Variants in CPPED1 observed in about 807,000 individuals in gnomAD.
CPPED1 encodes the protein calcineurin like phosphoesterase domain containing 1, also known as serine/threonine-protein phosphatase CPPED1.
A neutral mutation model predicts 28.0 loss-of-function variants in CPPED1; 28 were observed. The observed-to-expected ratio is 1.00, with a 90% CI of 0.74 to 1.37. CPPED1 has a LOEUF of 1.37. CPPED1 is among the 40% of genes most tolerant of loss of function. CPPED1 has a pLI of 0.00. For missense variants in CPPED1, 504 were observed against 416.5 expected (o/e 1.21, Z -1.83); for synonymous variants, 198 against 180.2 (o/e 1.10, Z -0.79).
intron 3 of CPPED1, among the ~76,000 whole-genome samples, chr16:12,687,737 C>T (rs902796249): frequency 2.0e-5 from 3 of 152,064 alleles, no homozygotes; most frequent in African/African-American, 7.2e-5. Flanking sequence ...AAGAGAGGCA[C>T]CAGGTCACAA....
At chr16:12,671,243 A>C (rs935142185) in intron 3 of CPPED1, among the ~76,000 whole-genome samples, 1 of 152,234 alleles carries the variant, frequency 6.6e-6, no homozygotes, top group Non-Finnish European at 1.5e-5. Flanking sequence ...TTAATGAACC[A>C]ATATTGACAT....
rs369458969 is a variant in CPPED1 at position 12,740,431 on chromosome 16, C to G, written c.290-35382G>C. ...CTGCACACCAACCTGGGCAACAGAACGAGACTCTGCCTCAAAAAAAAAAAA... is the reference window on the plus strand; with the variant it reads ...CTGCACACCAACCTGGGCAACAGAAGGAGACTCTGCCTCAAAAAAAAAAAA... On this transcript the variant is annotated intron_variant, in intron 2 of 3. Transcript: ENST00000381774. Among the ~76,000 whole-genome samples the G allele has an allele frequency of 3.8e-4, 56 of 145,462 alleles. No individual in the cohort carries two copies. In the East Asian group the frequency reaches 8.6e-3, roughly 22 times the overall value.
chr16:12,705,980 GTC>G (rs1313317473), intron 2 of CPPED1, among the ~76,000 whole-genome samples: 1 of 152,094 alleles, frequency 6.6e-6, no homozygotes, highest in Non-Finnish European at 1.5e-5. Flanking sequence ...GGATTGATCT[GTC>G]TCTTTCTGTA....
intron 1 of CPPED1, among the ~76,000 whole-genome samples, chr16:12,802,843 C>A (rs760741210): frequency 2.0e-5 from 3 of 152,172 alleles, no homozygotes; most frequent in African/African-American, 4.8e-5. Context: ...TGTTGCAGAA[C>A]TGGGCAAGAG....
At chr16:12,695,331 C>A (rs1290073028) in intron 3 of CPPED1, among the ~76,000 whole-genome samples, 1 of 152,168 alleles carries the variant, frequency 6.6e-6, no homozygotes, top group Non-Finnish European at 1.5e-5. Flanking sequence ...GTGGTGCAAT[C>A]ACAGCTCACT....
intron 2 of CPPED1, among the ~76,000 whole-genome samples, chr16:12,780,541 T>C (rs998882692): frequency 1.3e-5 from 2 of 152,046 alleles, no homozygotes; most frequent in Non-Finnish European, 2.9e-5. Flanking sequence ...GACAAAAGGA[T>C]ACAAATGTAG....
chr16:12,772,072 G>A (rs572553689), intron 2 of CPPED1, among the ~76,000 whole-genome samples: 2 of 152,120 alleles, frequency 1.3e-5, no homozygotes, highest in African/African-American at 2.4e-5. Flanking sequence ...GCAGTGAGCT[G>A]AGATCGTACC....
chr16:12,770,640 T>C (rs982408674), intron 2 of CPPED1, among the ~76,000 whole-genome samples: 8 of 151,926 alleles, frequency 5.3e-5, no homozygotes, highest in Admixed American at 5.2e-4. Context: ...CTGGCCAACA[T>C]AACAAAACTC....
At chr16:12,729,637 A>G (rs2080187378) in intron 2 of CPPED1, among the ~76,000 whole-genome samples, 1 of 152,224 alleles carries the variant, frequency 6.6e-6, no homozygotes, top group Non-Finnish European at 1.5e-5. Flanking sequence ...CTCAGAGGAA[A>G]CACAAGGGTA....
At chr16:12,785,227 T>C (rs1414801638) in intron 1 of CPPED1, among the ~76,000 whole-genome samples, 2 of 152,202 alleles carry the variant, frequency 1.3e-5, no homozygotes, top group Non-Finnish European at 2.9e-5. Context: ...GGCAGCTTTT[T>C]ACATTATGAA....
intron 2 of CPPED1, among the ~76,000 whole-genome samples, chr16:12,740,185 G>A (rs1013750789): frequency 6.6e-6 from 1 of 152,122 alleles, no homozygotes; most frequent in East Asian, 1.9e-4. Flanking sequence ...AGTGGCTCAT[G>A]GCTGTAATCC....
chr16:12,697,978 C>T (rs991757444), intron 3 of CPPED1, among the ~76,000 whole-genome samples: 10 of 152,174 alleles, frequency 6.6e-5, no homozygotes, highest in Admixed American at 1.3e-4. Context: ...GATGTGGTGG[C>T]GTGTGCCTGT....
intron 2 of CPPED1, among the ~76,000 whole-genome samples, chr16:12,741,210 G>A (rs1004509361): frequency 6.6e-6 from 1 of 151,964 alleles, no homozygotes; most frequent in African/African-American, 2.4e-5. Flanking sequence ...GAATGGTTCT[G>A]CCTCATAAAT....
chr16:12,795,748 G>A (rs1031991716), intron 1 of CPPED1, among the ~76,000 whole-genome samples: 1 of 152,230 alleles, frequency 6.6e-6, no homozygotes, highest in Admixed American at 6.5e-5. Context: ...GGTGACCCAG[G>A]TGGAGTGTAT....
chr16:12,728,449 T>A (rs1007527562), intron 2 of CPPED1, among the ~76,000 whole-genome samples: 7 of 152,160 alleles, frequency 4.6e-5, no homozygotes, highest in Non-Finnish European at 1.0e-4. Flanking sequence ...AGGTTGCTTA[T>A]AATCTTGAGA....
intron 2 of CPPED1, among the ~76,000 whole-genome samples, chr16:12,777,839 T>C (rs1187673946): frequency 6.6e-6 from 1 of 152,038 alleles, no homozygotes; most frequent in Non-Finnish European, 1.5e-5. Flanking sequence ...TAATAGATAT[T>C]TATAAGAAAA....
rs184739300 is a variant in CPPED1, at chr16:12,665,517, G to C, written c.716-402C>G. 1.1e-3 allele frequency among the ~76,000 whole-genome samples: 161 copies of C among 152,252 alleles called. 1 individual carries two copies. The highest frequency in any genetic ancestry group is 3.7e-3 in the African/African-American group (153 of 41,566). On this transcript the variant is annotated intron_variant, in intron 3 of 3. Transcript: ENST00000381774. ...TTTAAAAATAACATTTATGGCCAGG[G>C]ATGGTGGCTCATGCCTGTAATCCCA...
At chr16:12,717,198 C>T (rs2080111631) in intron 2 of CPPED1, among the ~76,000 whole-genome samples, 1 of 152,162 alleles carries the variant, frequency 6.6e-6, no homozygotes, top group Non-Finnish European at 1.5e-5. Flanking sequence ...GTTTCTGAAG[C>T]ACCAACTATG....
intron 2 of CPPED1, among the ~76,000 whole-genome samples, chr16:12,774,913 C>T (rs1223011805): frequency 6.6e-6 from 1 of 152,170 alleles, no homozygotes; most frequent in Non-Finnish European, 1.5e-5. Context: ...CTTGGACTCC[C>T]AGGTTCAAGC....
Sources: allele counts gnomAD v4.1 joint callset (sites outside exome capture counted in the v4.1 genomes callset), GRCh38; gene constraint gnomAD v4.1.1; transcripts MANE v1.5; gene names NCBI Gene and HGNC (gene_info 2026-07-23, HGNC 2026-07-21).